The following LINGO2 variants were observed in gnomAD, a reference collection of about 807,000 sequenced individuals.
LINGO2 encodes leucine-rich repeat and immunoglobulin-like domain-containing nogo receptor-interacting protein 2.
LINGO2 carries 14 observed loss-of-function variants against 30.6 expected under a neutral mutation model. That is an observed-to-expected ratio of 0.46 (90% CI 0.30 to 0.72). LINGO2 has a LOEUF of 0.72. Ranked by LOEUF, LINGO2 falls within the 30% of genes least tolerant of loss-of-function variation. The pLI is 0.07. For synonymous variants in LINGO2, 317 were observed against 288.5 expected (o/e 1.10, Z -1.00); for missense variants, 729 against 751.7 (o/e 0.97, Z 0.35).
chr9:28,541,803 T>C (rs1821710770), intron 1 of LINGO2, among the ~76,000 whole-genome samples: 1 of 152,178 alleles, frequency 6.6e-6, no homozygotes. Context: ...TTGAATATGG[T>C]AAATCAGTTT....
At chr9:28,155,931 T>A (rs1828119894) in intron 4 of LINGO2, among the ~76,000 whole-genome samples, 1 of 152,210 alleles carries the variant, frequency 6.6e-6, no homozygotes, top group Non-Finnish European at 1.5e-5. Context: ...GGCAACTTGA[T>A]CTTGGACTTC....
At chr9:28,610,709 A>T (rs1825878766) in intron 1 of LINGO2, among the ~76,000 whole-genome samples, 1 of 152,178 alleles carries the variant, frequency 6.6e-6, no homozygotes, top group Non-Finnish European at 1.5e-5. Flanking sequence ...TCATTTATAA[A>T]TAAACCAGGC....
chr9:28,087,121 G>A (rs1455896676), intron 4 of LINGO2, among the ~76,000 whole-genome samples: 1 of 152,030 alleles, frequency 6.6e-6, no homozygotes, highest in Non-Finnish European at 1.5e-5. Context: ...GGAGAGCCAA[G>A]TCATGTAAGC....
chr9:28,010,169 T>C (rs963486803), intron 5 of LINGO2, among the ~76,000 whole-genome samples: 2 of 152,174 alleles, frequency 1.3e-5, no homozygotes, highest in Admixed American at 6.5e-5. Flanking sequence ...AAAATGTCCA[T>C]AGAGGAAGCA....
At chr9:29,171,740 T>C in the LINGO2 span, among the ~76,000 whole-genome samples, 1 of 151,954 alleles carries the variant, frequency 6.6e-6, no homozygotes, top group East Asian at 1.9e-4. Context: ...AAAAGTAGAA[T>C]TGCAATACAA....
chr9:28,909,550 C>T, the LINGO2 span, among the ~76,000 whole-genome samples: 2 of 152,002 alleles, frequency 1.3e-5, no homozygotes, highest in South Asian at 4.1e-4. Flanking sequence ...TCATGTTCCA[C>T]TGACTCTTGA....
chr9:29,032,763 T>G, the LINGO2 span, among the ~76,000 whole-genome samples: 2 of 152,182 alleles, frequency 1.3e-5, no homozygotes, highest in Admixed American at 6.5e-5. Context: ...TGTAATAAAA[T>G]AAAATATTCA....
chr9:28,544,126 CCGG>C (rs1359590928), intron 1 of LINGO2, among the ~76,000 whole-genome samples: 3 of 151,850 alleles, frequency 2.0e-5, no homozygotes, highest in South Asian at 2.1e-4. Context: ...TCATTTGAAC[CCGG>C]AAGGCAGAGG....
the LINGO2 span, among the ~76,000 whole-genome samples, chr9:28,974,199 G>C: frequency 1.3e-5 from 2 of 152,140 alleles, no homozygotes. Context: ...CAGGTCAGGA[G>C]ATCGAGACCA....
the LINGO2 span, among the ~76,000 whole-genome samples, chr9:29,114,948 GA>G: frequency 3.3e-5 from 5 of 151,374 alleles, no homozygotes; most frequent in East Asian, 9.7e-4. Context: ...ACTTATGTTG[GA>G]AAATAAAATT....
At chr9:29,213,297 C>G in the LINGO2 span, among the ~76,000 whole-genome samples, 25 of 152,168 alleles carry the variant, frequency 1.6e-4, no homozygotes, top group Admixed American at 8.5e-4. Flanking sequence ...GCCCCTCCCC[C>G]CTTTCTCCCC....
the LINGO2 span, chr9:28,863,774 G>C: frequency 2.5e-6 from 1 of 405,824 alleles, no homozygotes; most frequent in Non-Finnish European, 5.6e-6. Flanking sequence ...AAAAGTTGAG[G>C]AAGTATTTCC....
At chr9:29,201,791 T>A in the LINGO2 span, among the ~76,000 whole-genome samples, 1 of 152,028 alleles carries the variant, frequency 6.6e-6, no homozygotes, top group Non-Finnish European at 1.5e-5. Context: ...ACACCCATGC[T>A]TTATCCTATC....
At chr9:29,066,999 A>G in the LINGO2 span, among the ~76,000 whole-genome samples, 2 of 151,890 alleles carry the variant, frequency 1.3e-5, no homozygotes, top group Non-Finnish European at 2.9e-5. Flanking sequence ...GTGTACTGGA[A>G]TAAGGGTAAC....
chr9:29,040,400 A>G, the LINGO2 span, among the ~76,000 whole-genome samples: 2 of 152,054 alleles, frequency 1.3e-5, no homozygotes, highest in African/African-American at 2.4e-5. Flanking sequence ...TAAGTTTACA[A>G]TAGCCATTTT....
the LINGO2 span, among the ~76,000 whole-genome samples, chr9:28,871,744 A>T: frequency 2.6e-5 from 4 of 151,952 alleles, no homozygotes; most frequent in Non-Finnish European, 5.9e-5. Context: ...TGAAAGAATG[A>T]GAGACGTTGG....
At chr9:28,781,382 T>A in the LINGO2 span, among the ~76,000 whole-genome samples, 438 of 152,264 alleles carry the variant, frequency 2.9e-3, 3 homozygotes, top group African/African-American at 0.01. Context: ...GCATCAACAT[T>A]TGAAATTAAA....
At chr9:28,916,540 A>G in the LINGO2 span, among the ~76,000 whole-genome samples, 1 of 152,054 alleles carries the variant, frequency 6.6e-6, no homozygotes, top group Non-Finnish European at 1.5e-5. Flanking sequence ...TCTTTCAACC[A>G]ATTGCCAGTT....
chr9:28,362,945 C>CTTAA (rs2134517500), intron 3 of LINGO2, among the ~76,000 whole-genome samples: 1 of 152,248 alleles, frequency 6.6e-6, no homozygotes, highest in Non-Finnish European at 1.5e-5. Flanking sequence ...TGAGTAAGAA[C>CTTAA]TTAAGGGAAC....
Sources: gnomAD v4.1 joint callset for allele counts (sites outside exome capture counted in the v4.1 genomes callset) on GRCh38, gnomAD v4.1.1 for gene constraint, MANE v1.5 for transcripts, NCBI Gene and HGNC (gene_info 2026-07-23, HGNC 2026-07-21) for gene names.